NEK11: variants seen among roughly 807,000 people sequenced by gnomAD.
NEK11 encodes the protein NIMA related kinase 11, also known as serine/threonine-protein kinase Nek11.
Under a neutral mutation model 80.7 loss-of-function variants are expected in NEK11, and 72 were observed. That is an observed-to-expected ratio of 0.89 (90% CI 0.74 to 1.08). The LOEUF is 1.08. Among genes scored for constraint, NEK11 ranks in the 50% least tolerant of loss-of-function variants. The pLI is 0.00. For synonymous variants in NEK11, 251 were observed against 260.7 expected (o/e 0.96, Z 0.36); for missense variants, 764 against 763.6 (o/e 1.00, Z -0.01).
intron 16 of NEK11, among the ~76,000 whole-genome samples, chr3:131,245,685 A>T (rs1402723902): frequency 1.3e-5 from 2 of 151,962 alleles, no homozygotes; most frequent in African/African-American, 4.8e-5. Flanking sequence ...CATTTATCTG[A>T]TGATTAGTGA....
chr3:131,149,880 C>T lies in NEK11; in HGVS notation c.648-2508C>T, dbSNP rs368333340. Among the ~76,000 whole-genome samples, 25 of 151,558 alleles carry T rather than the reference C, an allele frequency of 1.6e-4. No individual in the cohort carries two copies. The South Asian group carries it at 3.3e-3, about 20-fold the overall frequency. ...TTTAAAATTTATTTCCTTAAACTTTCTTTGGTGTGATTTGCTGTTTTTTTA... is the reference window on the plus strand; with the variant it reads ...TTTAAAATTTATTTCCTTAAACTTTTTTTGGTGTGATTTGCTGTTTTTTTA... On this transcript the variant is annotated intron_variant, in intron 7 of 17. Transcript: ENST00000383366.
chr3:131,267,481 GA>G (rs1241362294), intron 16 of NEK11, among the ~76,000 whole-genome samples: 6 of 152,226 alleles, frequency 3.9e-5, no homozygotes, highest in African/African-American at 1.4e-4. Context: ...ATTCTGGGTT[GA>G]AAATTCTTTT....
chr3:131,218,501 G>A (rs1392339139), intron 14 of NEK11, among the ~76,000 whole-genome samples: 2 of 152,202 alleles, frequency 1.3e-5, no homozygotes, highest in African/African-American at 4.8e-5. Flanking sequence ...TTTGATCCAA[G>A]AACAATTCTG....
intron 14 of NEK11, among the ~76,000 whole-genome samples, chr3:131,173,997 A>T (rs1308079074): frequency 6.6e-6 from 1 of 152,214 alleles, no homozygotes; most frequent in East Asian, 1.9e-4. Flanking sequence ...CTTGTAAAAT[A>T]CTTTAAACAT....
intron 3 of NEK11, among the ~76,000 whole-genome samples, chr3:131,052,717 T>C (rs892863672): frequency 6.6e-6 from 1 of 152,170 alleles, no homozygotes; most frequent in Non-Finnish European, 1.5e-5. Flanking sequence ...TGTTGGCATT[T>C]GATAGAATGA....
chr3:131,185,152 C>G (rs2093546767), intron 14 of NEK11, among the ~76,000 whole-genome samples: 1 of 152,138 alleles, frequency 6.6e-6, no homozygotes. Context: ...TTGGTTGAAT[C>G]ACTATTTTTT....
chr3:131,151,178 A>G (rs902515529), intron 7 of NEK11, among the ~76,000 whole-genome samples: 7 of 152,036 alleles, frequency 4.6e-5, no homozygotes, highest in Admixed American at 2.6e-4. Flanking sequence ...CAGTTCTACC[A>G]TTTACTACCT....
intron 17 of NEK11, among the ~76,000 whole-genome samples, chr3:131,315,252 ACTTACAT>A (rs2096824569): frequency 6.6e-6 from 1 of 152,138 alleles, no homozygotes; most frequent in Admixed American, 6.6e-5. Flanking sequence ...GTATGCTTTG[ACTTACAT>A]CTTCCCATTT....
At chr3:131,076,684 C>T (rs914140058) in intron 3 of NEK11, among the ~76,000 whole-genome samples, 1 of 152,192 alleles carries the variant, frequency 6.6e-6, no homozygotes, top group Non-Finnish European at 1.5e-5. Flanking sequence ...CTAATCACAT[C>T]AGGGTCACAG....
intron 16 of NEK11, among the ~76,000 whole-genome samples, chr3:131,269,543 C>A (rs144157723): frequency 1.3e-5 from 2 of 152,150 alleles, no homozygotes; most frequent in Admixed American, 6.5e-5. Flanking sequence ...TTCAGCTCAC[C>A]CTCTGTGGGC....
chr3:131,336,625 C>A (rs1010899429), intron 17 of NEK11, among the ~76,000 whole-genome samples: 87 of 152,068 alleles, frequency 5.7e-4, no homozygotes, highest in Non-Finnish European at 8.5e-4. Context: ...AATGGGATCT[C>A]ATTAAACTAA....
intron 17 of NEK11, among the ~76,000 whole-genome samples, chr3:131,326,881 A>G (rs2096976478): frequency 2.0e-5 from 3 of 152,228 alleles, no homozygotes; most frequent in African/African-American, 7.2e-5. Context: ...GAAAGTGATT[A>G]AGTCATGAGG....
chr3:131,066,402 G>A (rs759815555), intron 3 of NEK11, among the ~76,000 whole-genome samples: 9 of 151,892 alleles, frequency 5.9e-5, no homozygotes, highest in South Asian at 2.1e-4. Context: ...TTTTTTTTCC[G>A]GATTATTCAG....
At chr3:131,310,599 A>G (rs959379934) in intron 17 of NEK11, among the ~76,000 whole-genome samples, 1 of 152,212 alleles carries the variant, frequency 6.6e-6, no homozygotes, top group Non-Finnish European at 1.5e-5. Context: ...TGACAGATAT[A>G]CTTTCAAACT....
At chr3:131,290,194 C>T (rs1581466743) in intron 17 of NEK11, among the ~76,000 whole-genome samples, 1 of 152,194 alleles carries the variant, frequency 6.6e-6, no homozygotes, top group Admixed American at 6.5e-5. Context: ...AGCCCTGTTA[C>T]AGTTCTTGGT....
chr3:131,104,579 G>A (rs1205342660), intron 4 of NEK11, among the ~76,000 whole-genome samples: 1 of 152,086 alleles, frequency 6.6e-6, no homozygotes, highest in African/African-American at 2.4e-5. Flanking sequence ...TGTTCAGATT[G>A]GGGTGGGGTG....
intron 17 of NEK11, among the ~76,000 whole-genome samples, chr3:131,307,315 A>G (rs1427833): frequency 0.28 from 42,850 of 152,112 alleles, 7,201 homozygotes; most frequent in Middle Eastern, 0.48. Context: ...GCTTACTGCT[A>G]TAAAGTGGAG....
Position 131,349,803 on chromosome 3 carries a change from C to A in NEK11, c.*27C>A. ...CAACTATCAAAAAGAAGCAGAAGTT[C>A]AAGTGGACAAATTTATGTGAAAATT... On this transcript the variant is annotated 3_prime_UTR_variant, in exon 18 of 18. Coordinates refer to ENST00000383366, the MANE Select transcript of NEK11 (RefSeq NM_024800.5). 2.0e-6 allele frequency: 3 copies of A among 1,532,624 alleles called. No individual in the cohort carries two copies. Among genetic ancestry groups the A allele is most frequent in the South Asian group, 2.3e-5 (2 of 88,572 alleles). 94.9% of individuals were successfully genotyped at this position (1,532,624 alleles called of 1,614,324 possible). A position where few individuals can be genotyped will look rare whatever the true frequency, so the allele number is the denominator to read the frequency against.
chr3:131,244,386 GCATTTAA>G (rs1331396584), intron 16 of NEK11, among the ~76,000 whole-genome samples: 1 of 152,026 alleles, frequency 6.6e-6, no homozygotes, highest in African/African-American at 2.4e-5. Context: ...CTTATTTGAT[GCATTTAA>G]CATTTAACAA....
Sources: gnomAD v4.1 joint callset for allele counts (sites outside exome capture counted in the v4.1 genomes callset) on GRCh38, gnomAD v4.1.1 for gene constraint, MANE v1.5 for transcripts, NCBI Gene and HGNC (gene_info 2026-07-23, HGNC 2026-07-21) for gene names.